The following UTS2R variants were observed in gnomAD, a reference collection of about 807,000 sequenced individuals.
The protein encoded by UTS2R is urotensin-2 receptor.
For synonymous variants in UTS2R, 335 were observed against 280.9 expected (o/e 1.19, Z -1.93); for missense variants, 653 against 562.2 (o/e 1.16, Z -1.63).
chr17:82,377,045 T>C lies in UTS2R; in HGVS notation c.*1551T>C, dbSNP rs1317307314. Among the ~76,000 whole-genome samples, 1 of 152,170 alleles carries C rather than the reference T, an allele frequency of 6.6e-6. No homozygotes were observed. The highest frequency in any genetic ancestry group is 2.4e-5 in the African/African-American group (1 of 41,442). ...AAAGGCAGGAAAGGTGGGGAAAAGA[T>C]TGAGAAATCGGATGGTTGCCGTGTC... On this transcript the variant is annotated 3_prime_UTR_variant, in exon 3 of 3. Coordinates refer to ENST00000313135, the MANE Select transcript of UTS2R (RefSeq NM_018949.3).
intron 2 of UTS2R, among the ~76,000 whole-genome samples, chr17:82,373,467 T>C (rs918041596): frequency 6.6e-6 from 1 of 152,260 alleles, no homozygotes; most frequent in Non-Finnish European, 1.5e-5. Context: ...TGGCCTGATA[T>C]ATGTTTTCTG....
rs2052489871 is a variant in UTS2R, at chr17:82,375,510, G to A, written c.*16G>A. On this transcript the variant is annotated 3_prime_UTR_variant, in exon 3 of 3. Coordinates refer to ENST00000313135, the MANE Select transcript of UTS2R (RefSeq NM_018949.3). The stretch of plus-strand genomic sequence containing the variant: ...CCCGGCGTGAGCACGCGGAGGGGCG[G>A]CTGGAGTCCAGGCGGGGACGCGCCC... 4.4e-6 allele frequency: 5 copies of A among 1,135,750 alleles called. No homozygotes were observed. Among genetic ancestry groups the A allele is most frequent in the Admixed American group, 3.2e-5 (1 of 31,230 alleles). 70.4% of individuals were successfully genotyped at this position (1,135,750 alleles called of 1,614,324 possible). A position where few individuals can be genotyped will look rare whatever the true frequency, so the allele number is the denominator to read the frequency against.
In UTS2R at chr17:82,371,867, G is replaced by T. The variant is rs2052453964; in HGVS notation, c.-449G>T. On this transcript the variant is annotated 5_prime_UTR_variant, in exon 1 of 3. Coordinates refer to ENST00000313135, the MANE Select transcript of UTS2R (RefSeq NM_018949.3). This position sits in a 1 kb window ranked among gnomAD's most constrained non-coding sequence, Gnocchi z 6.3. ...GGACTGGCGGGCGCCCCTGCCGTGT[G>T]CTCTGGAAGCCGAGGCCACCGCGGA... Among the ~76,000 whole-genome samples, 1 of 151,610 alleles carries T rather than the reference G, an allele frequency of 6.6e-6. No homozygotes were observed. The highest frequency in any genetic ancestry group is 6.5e-5 in the Admixed American group (1 of 15,268).
At chr17:82,373,142 TTTGTCTATG>T (rs1389979042) in intron 2 of UTS2R, among the ~76,000 whole-genome samples, 1 of 152,148 alleles carries the variant, frequency 6.6e-6, no homozygotes, top group African/African-American at 2.4e-5. Flanking sequence ...TTACCAGCTT[TTTGTCTATG>T]TTTCTTCTTT....
rs2052471355 is a variant in UTS2R at position 82,374,415 on chromosome 17, A to T, written c.91A>T (p.Thr31Ser). 1 of 1,597,346 alleles carries T rather than the reference A, an allele frequency of 6.3e-7. No homozygotes were observed. The highest frequency in any genetic ancestry group is 8.5e-7 in the Non-Finnish European group (1 of 1,176,454). ...GGAGCCGCCTGGCGGCCCCAACGCA[A>T]CCCTCAACAGCTCCTGGGCCAGCCC... ...VPEPPGGPNA[T>S]LNSSWASPTE... The change falls in exon 3 of 3, where the codon ACC becomes TCC. Residue 31 changes from threonine (T) to serine (S), a missense_variant. By Grantham distance (58) the Thr-to-Ser change is moderately conservative. Transcript: ENST00000313135.
At chr17:82,372,875 T>A (rs1451357768) in intron 2 of UTS2R, among the ~76,000 whole-genome samples, 92 bp downstream of exon 2, 1 of 152,208 alleles carries the variant, frequency 6.6e-6, no homozygotes, top group Non-Finnish European at 1.5e-5. Flanking sequence ...GGCGGCACAG[T>A]CCAGGTTCCC....
At position 82,375,515 on chromosome 17, in the gene UTS2R, A is replaced by C; in HGVS notation, c.*21A>C. ...CGTGAGCACGCGGAGGGGCGGCTGG[A>C]GTCCAGGCGGGGACGCGCCCCAAAG... is the stretch of plus-strand genomic sequence containing the variant. On this transcript the variant is annotated 3_prime_UTR_variant, in exon 3 of 3. Transcript: ENST00000313135. 2 of 1,088,976 alleles carry C rather than the reference A, an allele frequency of 1.8e-6. No homozygotes were observed. The highest frequency in any genetic ancestry group is 1.2e-6 in the Non-Finnish European group (1 of 800,260). 67.5% of individuals were successfully genotyped at this position (1,088,976 alleles called of 1,614,324 possible).
At chr17:82,373,519 A>G (rs562832261) in intron 2 of UTS2R, among the ~76,000 whole-genome samples, 1 of 152,302 alleles carries the variant, frequency 6.6e-6, no homozygotes, top group African/African-American at 2.4e-5. Context: ...CTCTCTTGGT[A>G]AAGTTCTTAA....
chr17:82,373,079 A>G (rs756681292), intron 2 of UTS2R, among the ~76,000 whole-genome samples: 5 of 151,634 alleles, frequency 3.3e-5, no homozygotes, highest in Non-Finnish European at 7.4e-5. Flanking sequence ...CTTTTTTTCA[A>G]ATGGGTTGTT....
Position 82,374,293 on chromosome 17 carries a change from C to G in UTS2R, c.-32C>G. The G allele has an allele frequency of 6.7e-7, 1 of 1,501,856 alleles. No individual in the cohort carries two copies. The highest frequency in any genetic ancestry group is 2.3e-5 in the East Asian group (1 of 42,712). 93.0% of individuals were successfully genotyped at this position (1,501,856 alleles called of 1,614,324 possible). A position where few individuals can be genotyped will look rare whatever the true frequency, so the allele number is the denominator to read the frequency against. The stretch of plus-strand genomic sequence containing the variant: ...CCCGCCCCATCTCAGGGAGTGTCCA[C>G]CCAGCCCTGAGCCCGTCGTGAGGGG... On this transcript the variant is annotated 5_prime_UTR_variant, in exon 3 of 3. Coordinates refer to ENST00000313135, the MANE Select transcript of UTS2R (RefSeq NM_018949.3).
intron 2 of UTS2R, 35 bp from the exon 3 acceptor site, chr17:82,374,208 G>A (rs972006643): frequency 3.8e-5 from 30 of 787,392 alleles, no homozygotes; most frequent in Non-Finnish European, 5.1e-5. Context: ...TCCTGGGAGC[G>A]GAAGGTGTTG....
intron 2 of UTS2R, among the ~76,000 whole-genome samples, chr17:82,373,973 C>T (rs1022261949): frequency 6.1e-5 from 9 of 147,680 alleles, no homozygotes; most frequent in Non-Finnish European, 1.2e-4. Flanking sequence ...TCCTGTGTTC[C>T]GGCTTTCAGA....
At position 82,374,294 on chromosome 17, in the gene UTS2R, C is replaced by T. The variant is rs1247736793; in HGVS notation, c.-31C>T. 2 of 1,506,608 alleles carry T rather than the reference C, an allele frequency of 1.3e-6. No homozygotes were observed. The highest frequency in any genetic ancestry group is 1.8e-6 in the Non-Finnish European group (2 of 1,132,930). The allele number at this position is 1,506,608 out of a possible 1,614,324, so 93.3% of individuals were successfully genotyped here. On this transcript the variant is annotated 5_prime_UTR_variant, in exon 3 of 3. Coordinates refer to ENST00000313135, the MANE Select transcript of UTS2R (RefSeq NM_018949.3). The stretch of plus-strand genomic sequence containing the variant: ...CCGCCCCATCTCAGGGAGTGTCCAC[C>T]CAGCCCTGAGCCCGTCGTGAGGGGT...
In UTS2R at chr17:82,375,271, C is replaced by T. The variant is rs1032293895; in HGVS notation, c.947C>T (p.Thr316Met). 2 of 1,569,316 alleles carry T rather than the reference C, an allele frequency of 1.3e-6. No homozygotes were observed. Among genetic ancestry groups the T allele is most frequent in the Middle Eastern group, 3.3e-4 (2 of 5,972 alleles). The change falls in exon 3 of 3, where the codon ACG (threonine) becomes ATG (methionine). Residue 316 changes from threonine to methionine, a missense_variant. Thr to Met is a moderately conservative substitution (Grantham distance 81, BLOSUM62 -1). Transcript: ENST00000313135. ...GNSCANPFLY[T>M]LLTRNYRDHL... ...AGCTGCGCCAACCCCTTCCTCTACA[C>T]GCTGCTCACCAGGAACTACCGCGAC... is the stretch of plus-strand genomic sequence containing the variant.
chr17:82,372,607 G>A lies in UTS2R; in HGVS notation c.-259G>A, dbSNP rs1409660981. Among the ~76,000 whole-genome samples the A allele has an allele frequency of 6.6e-6, 1 of 152,136 alleles. No individual in the cohort carries two copies. The highest frequency in any genetic ancestry group is 2.4e-5 in the African/African-American group (1 of 41,420). On this transcript the variant is annotated 5_prime_UTR_variant, in exon 2 of 3. Coordinates refer to ENST00000313135, the MANE Select transcript of UTS2R (RefSeq NM_018949.3). ...TGTCTTGTTTCTTCAGCCCACCACC[G>A]CGCTGTTTCATCCAGGCTGCTGACC...
rs565242415 is a variant in UTS2R, at chr17:82,375,105, C to A, written c.781C>A (p.Leu261Met). The change falls in exon 3 of 3, where the codon CTG (leucine) becomes ATG (methionine). Residue 261 changes from leucine (L) to methionine (M), a missense_variant. Transcript: ENST00000313135. ...RPGARALRLVLGIVLLFWACF... is the reference protein window; with the variant it reads ...RPGARALRLVMGIVLLFWACF... ...GGGGGCGCGCGCGCTGCGCCTGGTGCTGGGCATCGTGCTGCTCTTCTGGGC... is the reference window on the plus strand; with the variant it reads ...GGGGGCGCGCGCGCTGCGCCTGGTGATGGGCATCGTGCTGCTCTTCTGGGC... 1.4e-6 allele frequency: 2 copies of A among 1,477,394 alleles called. No individual in the cohort carries two copies. The highest frequency in any genetic ancestry group is 1.8e-6 in the Non-Finnish European group (2 of 1,116,172). The allele number at this position is 1,477,394 out of a possible 1,614,324, so 91.5% of individuals were successfully genotyped here.
chr17:82,374,737 T>C lies in UTS2R; in HGVS notation c.413T>C (p.Ile138Thr), dbSNP rs562707006. ...GLDFLTMHAS[I>T]FTLTVMSSER... ...GACTTCCTGACCATGCACGCCAGCA[T>C]CTTCACGCTGACCGTCATGAGCAGC... The change falls in exon 3 of 3, where the codon ATC (isoleucine) becomes ACC (threonine). Residue 138 changes from isoleucine (I) to threonine (T), a missense_variant. Physicochemically the swap from Ile to Thr is moderately conservative, Grantham distance 89 (BLOSUM62 -1). Transcript: ENST00000313135. 1 of 1,612,086 alleles carries C rather than the reference T, an allele frequency of 6.2e-7. No homozygotes were observed. The highest frequency in any genetic ancestry group is 1.1e-5 in the South Asian group (1 of 91,066).
Position 82,374,675 on chromosome 17 carries a change from C to T in UTS2R, c.351C>T (p.His117=). The T allele has an allele frequency of 6.2e-7, 1 of 1,613,480 alleles. No individual in the cohort carries two copies. The highest frequency in any genetic ancestry group is 1.6e-4 in the Middle Eastern group (1 of 6,062). The change falls in exon 3 of 3, where the codon CAC becomes CAT. Residue 117 remains histidine, a synonymous_variant. Coordinates refer to ENST00000313135, the MANE Select transcript of UTS2R (RefSeq NM_018949.3). ...CCACCTACGTCACCAAGGAGTGGCA[C>T]TTCGGGGACGTGGGCTGCCGCGTGC... ...IVATYVTKEW[H]FGDVGCRVLF... is the part of the protein sequence containing the mutation.
intron 1 of UTS2R, among the ~76,000 whole-genome samples, 123 bp from the exon 2 acceptor site, chr17:82,372,475 C>T (rs2052458186): frequency 6.6e-6 from 1 of 152,176 alleles, no homozygotes; most frequent in Non-Finnish European, 1.5e-5. Flanking sequence ...AGGCCCCCAG[C>T]GCCCCCACCT....
Sources: allele counts gnomAD v4.1 joint callset (sites outside exome capture counted in the v4.1 genomes callset), GRCh38; gene constraint gnomAD v4.1.1; non-coding constraint Gnocchi (gnomAD v3.1); transcripts MANE v1.5; gene names NCBI Gene and HGNC (gene_info 2026-07-23, HGNC 2026-07-21).